Variants in SDK1 observed in about 807,000 individuals in gnomAD.
SDK1 encodes protein sidekick-1.
A neutral mutation model predicts 245.5 loss-of-function variants in SDK1; 157 were observed. The observed-to-expected ratio is 0.64, with a 90% CI of 0.56 to 0.73. The LOEUF is 0.73. Among genes scored for constraint, SDK1 ranks in the 30% least tolerant of loss-of-function variants. The probability of loss-of-function intolerance (pLI) is 0.00; values close to 1 mark genes in which losing one functional copy is unlikely to be tolerated. For synonymous variants in SDK1, 1,647 were observed against 1,278.5 expected, an observed-to-expected ratio of 1.29 and a Z score of -6.15; for missense variants, 3,583 against 3,002.3, an observed-to-expected ratio of 1.19 and a Z score of -4.52.
intron 1 of SDK1, among the ~76,000 whole-genome samples, chr7:3,607,142 A>C (rs1244252726): frequency 1.3e-5 from 2 of 151,890 alleles, no homozygotes; most frequent in East Asian, 3.8e-4. Flanking sequence ...CACTACACAA[A>C]GGAAGGCCCT....
intron 1 of SDK1, among the ~76,000 whole-genome samples, chr7:3,480,289 G>C (rs1781474965): frequency 2.0e-5 from 3 of 152,210 alleles, no homozygotes; most frequent in Admixed American, 2.0e-4. Context: ...AACACAGAGT[G>C]GCTCATGTGA....
chr7:4,037,154 A>T (rs1454110477), intron 17 of SDK1, among the ~76,000 whole-genome samples: 1 of 152,228 alleles, frequency 6.6e-6, no homozygotes, highest in Non-Finnish European at 1.5e-5. Context: ...GGAAATTTAA[A>T]CGTTTCTGCT....
chr7:4,030,904 C>G (rs1284259750), intron 17 of SDK1, among the ~76,000 whole-genome samples: 1 of 152,162 alleles, frequency 6.6e-6, no homozygotes, highest in Non-Finnish European at 1.5e-5. Context: ...ATGTCTGCTT[C>G]CCCTACTACA....
intron 4 of SDK1, among the ~76,000 whole-genome samples, chr7:3,816,984 A>G (rs141845520): frequency 6.2e-4 from 94 of 152,338 alleles, no homozygotes; most frequent in South Asian, 3.5e-3. Flanking sequence ...TGGTAAAACT[A>G]TAGACTCAAA....
intron 1 of SDK1, among the ~76,000 whole-genome samples, chr7:3,423,873 A>G (rs1034204950): frequency 6.6e-6 from 1 of 152,134 alleles, no homozygotes; most frequent in Admixed American, 6.5e-5. Flanking sequence ...TTTTTCCTCT[A>G]AATGTTCTGA....
At chr7:3,955,030 A>G (rs1366171167) in intron 7 of SDK1, among the ~76,000 whole-genome samples, 1 of 151,836 alleles carries the variant, frequency 6.6e-6, no homozygotes, top group Non-Finnish European at 1.5e-5. Flanking sequence ...TGCCTGTGAG[A>G]TGCATCTTCC....
chr7:3,549,277 TG>T (rs1283328170), intron 1 of SDK1, among the ~76,000 whole-genome samples: 3 of 152,188 alleles, frequency 2.0e-5, no homozygotes, highest in African/African-American at 7.2e-5. Context: ...GTTGTTTTTG[TG>T]GAAGGCACCA....
rs552835433 is a variant in SDK1, at chr7:3,895,538, A to G, written c.848-55385A>G. ...ATGTAAAGCTGGAGACAGTGTAGCC[A>G]TCTCGTGACCACGAAGCAGTGATGA... On this transcript the variant is annotated intron_variant, in intron 5 of 44. Transcript: ENST00000404826. 2.6e-5 allele frequency among the ~76,000 whole-genome samples: 4 copies of G among 152,324 alleles called. No homozygotes were observed. In the South Asian group the frequency reaches 8.3e-4, roughly 32 times the overall value.
intron 4 of SDK1, among the ~76,000 whole-genome samples, chr7:3,725,290 CATGG>C (rs1778976159): frequency 6.6e-6 from 1 of 152,132 alleles, no homozygotes; most frequent in Non-Finnish European, 1.5e-5. Flanking sequence ...ATCCAAAGCA[CATGG>C]ATCTCAGGAC....
In SDK1 at chr7:3,921,620, T is replaced by A. The variant is rs562729668; in HGVS notation, c.848-29303T>A. On this transcript the variant is annotated intron_variant, in intron 5 of 44. Coordinates refer to ENST00000404826, the MANE Select transcript of SDK1 (RefSeq NM_152744.4). ...TTATGAACAAAAGGAAATGAGGGAA[T>A]CTAAAGGCGCCAAGAAGCTGATTCC... 6.2e-4 allele frequency among the ~76,000 whole-genome samples: 94 copies of A among 152,160 alleles called. 2 individuals are homozygous for A. Among genetic ancestry groups the A allele is most frequent in the Non-Finnish European group, 2.2e-4 (15 of 68,002 alleles).
At chr7:3,640,929 G>A (rs1271246952) in intron 3 of SDK1, among the ~76,000 whole-genome samples, 4 of 151,934 alleles carry the variant, frequency 2.6e-5, no homozygotes, top group African/African-American at 7.3e-5. Flanking sequence ...TGATCCACCC[G>A]CCTCGGCCTC....
At chr7:3,860,965 C>CG (rs1437392813) in intron 5 of SDK1, among the ~76,000 whole-genome samples, 2 of 152,084 alleles carry the variant, frequency 1.3e-5, no homozygotes, top group Admixed American at 6.5e-5. Flanking sequence ...CCAAGGTTAC[C>CG]GGGGTCTCAG....
chr7:3,974,482 A>G lies in SDK1; in HGVS notation c.1931A>G (p.Asp644Gly). 1.9e-6 allele frequency: 3 copies of G among 1,614,170 alleles called. No homozygotes were observed. The highest frequency in any genetic ancestry group is 2.5e-6 in the Non-Finnish European group (3 of 1,180,038). Residue 644 changes from aspartate (D) to glycine (G), a missense_variant, in exon 13 of 45, where the codon GAC (aspartate) becomes GGC (glycine). Coordinates refer to ENST00000404826, the MANE Select transcript of SDK1 (RefSeq NM_152744.4). ...CAGACGTGGTCAGGCGACATCGGTGACTACAGCTGCGAGATTGTTTCTGAA... is the reference window on the plus strand; with the variant it reads ...CAGACGTGGTCAGGCGACATCGGTGGCTACAGCTGCGAGATTGTTTCTGAA... ...ISQTWSGDIG[D>G]YSCEIVSEGG...
At chr7:3,926,750 A>T (rs1312857985) in intron 5 of SDK1, among the ~76,000 whole-genome samples, 2 of 152,220 alleles carry the variant, frequency 1.3e-5, no homozygotes, top group East Asian at 3.8e-4. Flanking sequence ...CGACTCCGTA[A>T]GGCACGGTGG....
At chr7:3,880,156 C>T (rs529444667) in intron 5 of SDK1, among the ~76,000 whole-genome samples, 3 of 152,284 alleles carry the variant, frequency 2.0e-5, no homozygotes, top group Admixed American at 6.5e-5. Flanking sequence ...ACATAATGCT[C>T]GCCGCACTCC....
At chr7:4,167,368 A>G (rs1781561483) in intron 32 of SDK1, among the ~76,000 whole-genome samples, 1 of 152,032 alleles carries the variant, frequency 6.6e-6, no homozygotes, top group African/African-American at 2.4e-5. Context: ...ACACCACTGC[A>G]CTCCAGCCTG....
At chr7:4,182,537 A>T (rs983376766) in intron 35 of SDK1, among the ~76,000 whole-genome samples, 3 of 152,186 alleles carry the variant, frequency 2.0e-5, no homozygotes, top group Admixed American at 6.5e-5. Context: ...GGCCTCCCAG[A>T]TATGCTGAGA....
chr7:3,613,609 A>C (rs1007045669), intron 1 of SDK1, among the ~76,000 whole-genome samples: 4 of 152,232 alleles, frequency 2.6e-5, no homozygotes, highest in Admixed American at 6.5e-5. Context: ...AAAGACAGAA[A>C]TACCGTTTGA....
At chr7:3,474,095 T>TG in intron 1 of SDK1, among the ~76,000 whole-genome samples, 1 of 111,000 alleles carries the variant, frequency 9.0e-6, no homozygotes, top group Non-Finnish European at 1.8e-5. Flanking sequence ...GATGGTGTTT[T>TG]TTTTTTTTTT....
Sources: allele counts gnomAD v4.1 joint callset (sites outside exome capture counted in the v4.1 genomes callset), GRCh38; gene constraint gnomAD v4.1.1; transcripts MANE v1.5; gene names NCBI Gene and HGNC (gene_info 2026-07-23, HGNC 2026-07-21).